DNAAF9: variants seen among roughly 807,000 people sequenced by gnomAD.
DNAAF9 encodes shulin.
DNAAF9 carries 90 observed loss-of-function variants against 167.0 expected under a neutral mutation model. The observed-to-expected ratio is 0.54, with a 90% CI of 0.45 to 0.64. The LOEUF (loss-of-function observed/expected upper bound fraction) is 0.64, where lower values mean the gene tolerates loss of function less well. Among genes scored for constraint, DNAAF9 ranks in the 30% least tolerant of loss-of-function variants. The pLI is 0.00. For missense variants in DNAAF9, 1,315 were observed against 1,442.2 expected, an observed-to-expected ratio of 0.91 and a Z score of 1.43; for synonymous variants, 491 against 508.8, an observed-to-expected ratio of 0.96 and a Z score of 0.47.
intron 27 of DNAAF9, among the ~76,000 whole-genome samples, chr20:3,285,805 C>A (rs1235323742): frequency 6.6e-6 from 1 of 151,440 alleles, no homozygotes; most frequent in African/African-American, 2.4e-5. Flanking sequence ...ATAGTGAAAT[C>A]TGATCTCTAC....
At chr20:3,336,050 G>T (rs1303604978) in intron 10 of DNAAF9, among the ~76,000 whole-genome samples, 1 of 152,090 alleles carries the variant, frequency 6.6e-6, no homozygotes, top group Non-Finnish European at 1.5e-5. Context: ...TTGAACCCAG[G>T]AGGCGGAGAT....
intron 9 of DNAAF9, 146 bp from the exon 10 acceptor site, chr20:3,340,785 T>C (rs1387201517): frequency 3.0e-6 from 2 of 677,480 alleles, no homozygotes; most frequent in African/African-American, 1.8e-5. Context: ...CCGAATATCC[T>C]TGGCTGGTTG....
rs1336512181 is a variant in DNAAF9, at chr20:3,249,502, GAA to G, written c.*3068_*3069del. 1 of 152,224 alleles carries G rather than the reference GAA, an allele frequency of 6.6e-6. No homozygotes were observed. The highest frequency in any genetic ancestry group is 2.4e-5 in the African/African-American group (1 of 41,462). The allele number at this position is 152,224 out of a possible 1,614,324, so 9.4% of individuals were successfully genotyped here. A position where few individuals can be genotyped will look rare whatever the true frequency, so the allele number is the denominator to read the frequency against. ...TTCAATCGCACAATTCAGTTTCACT[GAA>G]GTTACAGTAGTGTTTGTAAATACGA... On this transcript the variant is annotated 3_prime_UTR_variant, in exon 37 of 37. Coordinates refer to ENST00000252032, the MANE Select transcript of DNAAF9 (RefSeq NM_001009984.3).
chr20:3,406,052 C>T (rs1163139370), intron 1 of DNAAF9, among the ~76,000 whole-genome samples: 1 of 152,156 alleles, frequency 6.6e-6, no homozygotes, highest in African/African-American at 2.4e-5. Context: ...CTGACAGATT[C>T]GAAGCAATTT....
At chr20:3,314,048 A>G (rs948155093) in intron 20 of DNAAF9, among the ~76,000 whole-genome samples, 7 of 152,196 alleles carry the variant, frequency 4.6e-5, no homozygotes, top group Admixed American at 3.3e-4. Flanking sequence ...AGTCTATGCC[A>G]GTCCCACCTT....
Position 3,259,992 on chromosome 20 carries a change from G to C in DNAAF9, c.2910C>G (p.Pro970=), listed in dbSNP as rs2068352118. Residue 970 remains proline (P), a synonymous_variant, in exon 32 of 37, where the codon CCC becomes CCG. Transcript: ENST00000252032. ...ACCATACGCAGATCTGAACCATTAG[G>C]GGATAGACTGATCCAGCATTCAATT... The part of the protein sequence containing the change: ...EGKLNAGSVY[P]LMVQICVWFG... 2.9e-5 allele frequency: 47 copies of C among 1,612,246 alleles called. No individual in the cohort carries two copies. The highest frequency in any genetic ancestry group is 4.0e-5 in the Non-Finnish European group (47 of 1,178,258).
intron 1 of DNAAF9, among the ~76,000 whole-genome samples, chr20:3,393,991 TAGTC>T (rs1362748438): frequency 2.6e-5 from 4 of 152,212 alleles, no homozygotes; most frequent in Non-Finnish European, 5.9e-5. Context: ...ACCTACTTTC[TAGTC>T]AGTCATTTGA....
In DNAAF9 at chr20:3,255,208, A is replaced by G. The variant is rs2068257014; in HGVS notation, c.3327+11T>C. The G allele has an allele frequency of 6.5e-7, 1 of 1,537,092 alleles. No individual in the cohort carries two copies. The highest frequency in any genetic ancestry group is 1.4e-5 in the African/African-American group (1 of 72,846). On this transcript the variant is annotated intron_variant, in intron 35 of 36. Transcript: ENST00000252032. ...GGCCACCGAGGGGAGAAGCCAGGGC[A>G]AGGCACTCACGTGGATGCTCCTGAT...
intron 10 of DNAAF9, among the ~76,000 whole-genome samples, chr20:3,336,992 G>A (rs112832415): frequency 6.8e-6 from 1 of 146,294 alleles, no homozygotes; most frequent in Non-Finnish European, 1.5e-5. Flanking sequence ...CCGTTCTCCT[G>A]CCTCAGCCTC....
chr20:3,266,266 ATACCAG>A (rs2068488363), intron 30 of DNAAF9, among the ~76,000 whole-genome samples: 3 of 152,168 alleles, frequency 2.0e-5, no homozygotes, highest in Non-Finnish European at 4.4e-5. Context: ...CAACATAGGT[ATACCAG>A]ACCTTTCCAT....
chr20:3,347,244 C>T (rs1388200943), intron 8 of DNAAF9, among the ~76,000 whole-genome samples: 6 of 152,164 alleles, frequency 3.9e-5, no homozygotes, highest in African/African-American at 1.4e-4. Flanking sequence ...GAAGCAAGAT[C>T]TTTCAAGTAT....
chr20:3,357,544 T>C (rs1481416305), intron 7 of DNAAF9, among the ~76,000 whole-genome samples: 1 of 152,172 alleles, frequency 6.6e-6, no homozygotes, highest in East Asian at 1.9e-4. Context: ...AAAACTTTAA[T>C]GCTCAATTTT....
rs146819820 is a variant in DNAAF9 at position 3,308,855 on chromosome 20, C to T, written c.1679-4312G>A. Among the ~76,000 whole-genome samples the T allele has an allele frequency of 9.4e-3, 1,426 of 152,034 alleles. 11 individuals carry two copies. Among genetic ancestry groups the T allele is most frequent in the South Asian group, 0.027 (131 of 4,814 alleles). On this transcript the variant is annotated intron_variant, in intron 20 of 36. Transcript: ENST00000252032. ...TTAGCCAGGTGTGGTGCCACATGCC[C>T]ACATGACTCCTCCTCCATGCATACA...
At chr20:3,318,123 T>TTTAG in intron 17 of DNAAF9, among the ~76,000 whole-genome samples, 166 bp downstream of exon 17, 1 of 139,478 alleles carries the variant, frequency 7.2e-6, no homozygotes, top group Non-Finnish European at 1.5e-5. Flanking sequence ...TTTTTTTTGA[T>TTTAG]ACGGGGTCTC....
chr20:3,322,317 ATT>A, intron 15 of DNAAF9, 55 bp from the exon 16 acceptor site: 4 of 1,366,786 alleles, frequency 2.9e-6, no homozygotes, highest in Non-Finnish European at 4.2e-6. Flanking sequence ...GTGTACTTAA[ATT>A]TACAGTGTTT....
At chr20:3,393,071 A>T (rs897228606) in intron 1 of DNAAF9, among the ~76,000 whole-genome samples, 1 of 152,196 alleles carries the variant, frequency 6.6e-6, no homozygotes, top group Non-Finnish European at 1.5e-5. Context: ...TACCTCAGAG[A>T]TCTTTCCAGC....
intron 10 of DNAAF9, among the ~76,000 whole-genome samples, chr20:3,337,440 GTT>G (rs55881467): frequency 6.7e-5 from 9 of 134,398 alleles, no homozygotes; most frequent in African/African-American, 2.5e-4. Flanking sequence ...CTTTTTTTTT[GTT>G]TTTTTTTTTT....
chr20:3,253,568 G>A lies in DNAAF9; in HGVS notation c.3421+158C>T, dbSNP rs562687640. On this transcript the variant is annotated intron_variant, in intron 36 of 36. Coordinates refer to ENST00000252032, the MANE Select transcript of DNAAF9 (RefSeq NM_001009984.3). ...CTGAAATGAAAAGTTCGCCCCTGAG[G>A]TTTGCCCCTGTGCATTCCTGACCCA... 2.0e-5 allele frequency among the ~76,000 whole-genome samples: 3 copies of A among 152,334 alleles called. No individual in the cohort carries two copies. The South Asian group carries it at 6.2e-4, about 32-fold the overall frequency.
chr20:3,343,726 G>C lies in DNAAF9; in HGVS notation c.795C>G (p.Phe265Leu), dbSNP rs149767043. 1.1e-4 allele frequency: 175 copies of C among 1,611,566 alleles called. 1 individual carries two copies. The East Asian group carries it at 3.9e-3, about 36-fold the overall frequency. The change falls in exon 9 of 37, where the codon TTC becomes TTG. Residue 265 changes from phenylalanine (F) to leucine (L), a missense_variant. By Grantham distance (22) the Phe-to-Leu change is conservative. Around this residue, in one of 2 missense-constraint regions of DNAAF9, gnomAD observed 981 missense variants for 1,012.5 expected, o/e 0.97. Transcript: ENST00000252032. ...TCATTCCATGACTGAAATAACTTCT[G>C]AATGGCTAAAAAGAAGCCAACATTG... ...ELSESQAGEP[F>L]RSYFSHGMIS...
Sources: gnomAD v4.1 joint callset for allele counts (sites outside exome capture counted in the v4.1 genomes callset) on GRCh38, gnomAD v4.1.1 for gene constraint, gnomAD v4.1.1 regional missense constraint, MANE v1.5 for transcripts, NCBI Gene and HGNC (gene_info 2026-07-23, HGNC 2026-07-21) for gene names.